RNF43: variants seen among roughly 807,000 people sequenced by gnomAD.
The protein encoded by RNF43 is ring finger protein 43.
RNF43 carries 37 observed loss-of-function variants against 78.4 expected under a neutral mutation model. That is an observed-to-expected ratio of 0.47 (90% CI 0.36 to 0.62). The LOEUF (loss-of-function observed/expected upper bound fraction) is 0.62, where lower values mean the gene tolerates loss of function less well. Among genes scored for constraint, RNF43 ranks in the 20% least tolerant of loss-of-function variants. The pLI, the probability that RNF43 is intolerant of heterozygous loss-of-function variation, is 0.00. For synonymous variants in RNF43, 347 were observed against 395.0 expected, an observed-to-expected ratio of 0.88 and a Z score of 1.44; for missense variants, 774 against 1,007.9, an observed-to-expected ratio of 0.77 and a Z score of 3.14.
At chr17:58,390,050 C>T in intron 2 of RNF43, among the ~76,000 whole-genome samples, 1 of 152,184 alleles carries the variant, frequency 6.6e-6, no homozygotes, top group East Asian at 1.9e-4. Flanking sequence ...TGACGGGGTG[C>T]AGGGCAGCAT....
intron 3 of RNF43, among the ~76,000 whole-genome samples, chr17:58,369,089 A>G (rs553070275): frequency 4.0e-5 from 6 of 151,284 alleles, no homozygotes; most frequent in African/African-American, 1.5e-4. Flanking sequence ...ACACACACAC[A>G]CACGCACACA....
chr17:58,401,183 C>T (rs746777502), intron 2 of RNF43, among the ~76,000 whole-genome samples: 4 of 152,158 alleles, frequency 2.6e-5, no homozygotes, highest in Non-Finnish European at 4.4e-5. Context: ...CCAAATGATT[C>T]ATGCTTATTA....
At chr17:58,359,126 G>C (rs952766024) in intron 8 of RNF43, among the ~76,000 whole-genome samples, 1 of 152,074 alleles carries the variant, frequency 6.6e-6, no homozygotes, top group African/African-American at 2.4e-5. Context: ...CTTAGAAAAA[G>C]GTTCTCTTTC....
At position 58,357,078 on chromosome 17, in the gene RNF43, G is replaced by C; in HGVS notation, c.2308+390C>G. 1.6e-6 allele frequency: 1 copy of C among 617,592 alleles called. No individual in the cohort carries two copies. The allele number at this position is 617,592 out of a possible 1,614,324, so 38.3% of individuals were successfully genotyped here. A position where few individuals can be genotyped will look rare whatever the true frequency, so the allele number is the denominator to read the frequency against. On this transcript the variant is annotated intron_variant, in intron 9 of 9. Coordinates refer to ENST00000407977, the MANE Select transcript of RNF43 (RefSeq NM_017763.6). The surrounding 1 kb of genome is among the most constrained non-coding windows in gnomAD (Gnocchi z 4.5). ...CCGGCTAATTTTTGTATTTTTAGTA[G>C]AGATAGGGTTTCACCATGTTGGCCA...
In RNF43 at chr17:58,358,937, G is replaced by C. The variant is rs2143430883; in HGVS notation, c.953-114C>G. On this transcript the variant is annotated intron_variant, in intron 8 of 9. Coordinates refer to ENST00000407977, the MANE Select transcript of RNF43 (RefSeq NM_017763.6). The surrounding 1 kb of genome is among the most constrained non-coding windows in gnomAD (Gnocchi z 6.2). ...TGACCCTGAGTAGCCTGTGAGCTCA[G>C]AGTTTGGGGGATCAAGGACGTGCCT... 1 of 1,133,396 alleles carries C rather than the reference G, an allele frequency of 8.8e-7. No individual in the cohort carries two copies. The highest frequency in any genetic ancestry group is 1.2e-6 in the Non-Finnish European group (1 of 839,446). The allele number at this position is 1,133,396 out of a possible 1,614,324, so 70.2% of individuals were successfully genotyped here. A position where few individuals can be genotyped will look rare whatever the true frequency, so the allele number is the denominator to read the frequency against.
chr17:58,401,609 T>C (rs904313878), intron 2 of RNF43, among the ~76,000 whole-genome samples: 6 of 152,166 alleles, frequency 3.9e-5, no homozygotes, highest in African/African-American at 1.4e-4. Context: ...TCCTATTCCA[T>C]ACCCTGAAGA....
At position 58,385,454 on chromosome 17, in the gene RNF43, G is replaced by A. The variant is rs1174268111; in HGVS notation, c.253-14421C>T. Among the ~76,000 whole-genome samples, 4 of 152,162 alleles carry A rather than the reference G, an allele frequency of 2.6e-5. No individual in the cohort carries two copies. In the East Asian group the frequency reaches 5.8e-4, roughly 22 times the overall value. ...CCATTTTCCTAGAGACTCTGGCTGAGCAAAGACTATGCCATCACTTGTCTT... is the reference window on the plus strand; with the variant it reads ...CCATTTTCCTAGAGACTCTGGCTGAACAAAGACTATGCCATCACTTGTCTT... On this transcript the variant is annotated intron_variant, in intron 2 of 9. Coordinates refer to ENST00000407977, the MANE Select transcript of RNF43 (RefSeq NM_017763.6).
intron 3 of RNF43, among the ~76,000 whole-genome samples, chr17:58,364,343 T>A (rs1972904284): frequency 6.6e-6 from 1 of 152,208 alleles, no homozygotes; most frequent in Non-Finnish European, 1.5e-5. Flanking sequence ...TAGTCCCATA[T>A]GGTGAGTATG....
chr17:58,358,852 T>C lies in RNF43; in HGVS notation c.953-29A>G, dbSNP rs1567874367. Reference sequence around the variant, plus strand: ...GAAAAAAGAACCAAGAGCACAGATGTTTAACTCTACAAACCTACAGAGAAT... The same window carrying C: ...GAAAAAAGAACCAAGAGCACAGATGCTTAACTCTACAAACCTACAGAGAAT... On this transcript the variant is annotated intron_variant, in intron 8 of 9. Coordinates refer to ENST00000407977, the MANE Select transcript of RNF43 (RefSeq NM_017763.6). This position sits in a 1 kb window ranked among gnomAD's most constrained non-coding sequence, Gnocchi z 6.2. The C allele has an allele frequency of 2.7e-6, 4 of 1,464,718 alleles. No homozygotes were observed. The East Asian group carries it at 7.4e-5, about 27-fold the overall frequency. 90.7% of individuals were successfully genotyped at this position (1,464,718 alleles called of 1,614,324 possible).
rs1036755472 is a variant in RNF43, at chr17:58,381,276, C to T, written c.253-10243G>A. Among the ~76,000 whole-genome samples the T allele has an allele frequency of 4.6e-5, 7 of 152,236 alleles. 1 individual carries two copies. Among genetic ancestry groups the T allele is most frequent in the Admixed American group, 2.0e-4 (3 of 15,290 alleles). On this transcript the variant is annotated intron_variant, in intron 2 of 9. Coordinates refer to ENST00000407977, the MANE Select transcript of RNF43 (RefSeq NM_017763.6). ...GGTTGACATTAGGCCAAGAAGGCTT[C>T]TGTTCAGAAGAGGCAACAGCCAGGA... is the stretch of plus-strand genomic sequence containing the variant.
intron 2 of RNF43, among the ~76,000 whole-genome samples, chr17:58,372,887 G>A (rs564233476): frequency 2.0e-5 from 3 of 152,312 alleles, no homozygotes; most frequent in East Asian, 3.9e-4. Context: ...CAGAGGCCTA[G>A]CACGAGGCTG....
downstream of RNF43, chr17:58,353,631 C>T (rs1433110815): frequency 1.9e-5 from 4 of 209,546 alleles, no homozygotes; most frequent in Non-Finnish European, 3.9e-5. Context: ...CGTTGTTACC[C>T]TGAGTGACAG....
In RNF43 at chr17:58,415,801, T is replaced by G. The variant is rs1974111147; in HGVS notation, c.-224A>C. 1 of 580,446 alleles carries G rather than the reference T, an allele frequency of 1.7e-6. No homozygotes were observed. Among genetic ancestry groups the G allele is most frequent in the Non-Finnish European group, 3.1e-6 (1 of 326,200 alleles). 36.0% of individuals were successfully genotyped at this position (580,446 alleles called of 1,614,324 possible). On this transcript the variant is annotated 5_prime_UTR_variant, in exon 2 of 10. Coordinates refer to ENST00000407977, the MANE Select transcript of RNF43 (RefSeq NM_017763.6). The stretch of plus-strand genomic sequence containing the variant: ...GAGGATATTTTCAGCCCACATCTGC[T>G]GCAGGTATGTCATTTTCTCCCATCT...
intron 2 of RNF43, among the ~76,000 whole-genome samples, chr17:58,375,244 C>A (rs1486415352): frequency 6.6e-6 from 1 of 152,146 alleles, no homozygotes; most frequent in Non-Finnish European, 1.5e-5. Flanking sequence ...CTACTTGCAG[C>A]TCTTACAAGG....
At chr17:58,374,958 C>T (rs555223270) in intron 2 of RNF43, among the ~76,000 whole-genome samples, 1 of 152,294 alleles carries the variant, frequency 6.6e-6, no homozygotes, top group Admixed American at 6.5e-5. Flanking sequence ...CCATCTATTA[C>T]CCAAGCAAGA....
At chr17:58,375,697 G>A (rs1270924119) in intron 2 of RNF43, among the ~76,000 whole-genome samples, 1 of 152,238 alleles carries the variant, frequency 6.6e-6, no homozygotes, top group African/African-American at 2.4e-5. Flanking sequence ...GTAGTAGAGA[G>A]GGACTTTGGT....
At chr17:58,396,201 T>A (rs1437732164) in intron 2 of RNF43, among the ~76,000 whole-genome samples, 2 of 152,006 alleles carry the variant, frequency 1.3e-5, no homozygotes, top group Non-Finnish European at 2.9e-5. Context: ...GATACAGAAA[T>A]GATAACAACT....
intron 2 of RNF43, among the ~76,000 whole-genome samples, chr17:58,374,354 G>A (rs2143532204): frequency 6.6e-6 from 1 of 151,310 alleles, no homozygotes; most frequent in East Asian, 1.9e-4. Context: ...TGTTGATGGT[G>A]ACCCCCGGGA....
rs186278659 is a variant in RNF43 at position 58,391,287 on chromosome 17, C to T, written c.253-20254G>A. Among the ~76,000 whole-genome samples the T allele has an allele frequency of 5.6e-3, 853 of 152,270 alleles. 3 individuals carry two copies. The highest frequency in any genetic ancestry group is 0.017 in the Middle Eastern group (5 of 294). ...TTCTAATTCCAGATAATTCCTTTGC[C>T]ATTGTTTATTCCTGGTCAGGGATCC... is the stretch of plus-strand genomic sequence containing the variant. On this transcript the variant is annotated intron_variant, in intron 2 of 9. Coordinates refer to ENST00000407977, the MANE Select transcript of RNF43 (RefSeq NM_017763.6).
Sources: gnomAD v4.1 joint callset for allele counts (sites outside exome capture counted in the v4.1 genomes callset) on GRCh38, gnomAD v4.1.1 for gene constraint, Gnocchi (gnomAD v3.1) non-coding constraint, MANE v1.5 for transcripts, NCBI Gene and HGNC (gene_info 2026-07-23, HGNC 2026-07-21) for gene names.